Variants in LRMDA observed in about 807,000 individuals in gnomAD.
LRMDA encodes the protein leucine rich melanocyte differentiation associated, also known as leucine-rich melanocyte differentiation-associated protein.
A neutral mutation model predicts 29.8 loss-of-function variants in LRMDA; 18 were observed. That is an observed-to-expected ratio of 0.60 (90% CI 0.42 to 0.90). The LOEUF (loss-of-function observed/expected upper bound fraction) is 0.90. Among genes scored for constraint, LRMDA ranks in the 40% least tolerant of loss-of-function variants. The probability of loss-of-function intolerance (pLI) is 0.00; values close to 1 mark genes in which losing one functional copy is unlikely to be tolerated. For synonymous variants in LRMDA, 125 were observed against 109.4 expected, an observed-to-expected ratio of 1.14 and a Z score of -0.89; for missense variants, 273 against 273.9, an observed-to-expected ratio of 1.00 and a Z score of 0.02.
chr10:75,758,691 A>G (rs1843061393), intron 2 of LRMDA, among the ~76,000 whole-genome samples: 1 of 152,210 alleles, frequency 6.6e-6, no homozygotes, highest in African/African-American at 2.4e-5. Flanking sequence ...GTAGTAAATC[A>G]GTGCTAGATA....
At chr10:75,695,618 C>T (rs1842224133) in intron 2 of LRMDA, among the ~76,000 whole-genome samples, 1 of 152,108 alleles carries the variant, frequency 6.6e-6, no homozygotes, top group South Asian at 2.1e-4. Context: ...TTTAGCTATT[C>T]CCATTCAGAG....
chr10:75,934,428 C>T (rs1846253812), intron 2 of LRMDA, among the ~76,000 whole-genome samples: 1 of 152,086 alleles, frequency 6.6e-6, no homozygotes. Context: ...GCCAGTAGAC[C>T]CCTGGCTACC....
chr10:76,545,012 AAG>A (rs1340991237), intron 6 of LRMDA, among the ~76,000 whole-genome samples: 8 of 152,112 alleles, frequency 5.3e-5, no homozygotes, highest in Non-Finnish European at 2.9e-5. Context: ...TCAGTACAGG[AAG>A]AGTTTGTTTG....
intron 3 of LRMDA, among the ~76,000 whole-genome samples, chr10:76,036,489 C>T (rs1388323376): frequency 6.6e-6 from 1 of 152,194 alleles, no homozygotes; most frequent in African/African-American, 2.4e-5. Flanking sequence ...AGTCTGTTTG[C>T]TTGGGCTTGT....
At chr10:76,387,676 A>T (rs1841676637) in intron 6 of LRMDA, among the ~76,000 whole-genome samples, 1 of 152,014 alleles carries the variant, frequency 6.6e-6, no homozygotes, top group Non-Finnish European at 1.5e-5. Context: ...TTTAAACTTA[A>T]ATTTAAATTT....
chr10:76,375,472 A>G lies in LRMDA; in HGVS notation c.601+50987A>G, dbSNP rs117286180. ...GTGCTTTAAAACCATTTTACCTGCCAAAGAAAAGTTTTGCTTATGATGACA... is the reference window on the plus strand; with the variant it reads ...GTGCTTTAAAACCATTTTACCTGCCGAAGAAAAGTTTTGCTTATGATGACA... On this transcript the variant is annotated intron_variant, in intron 6 of 6. Transcript: ENST00000611255. Among the ~76,000 whole-genome samples the G allele has an allele frequency of 3.8e-3, 581 of 152,318 alleles. 1 individual carries two copies. Among genetic ancestry groups the G allele is most frequent in the Non-Finnish European group, 5.5e-3 (377 of 68,022 alleles).
At chr10:75,952,205 C>T (rs747839144) in intron 2 of LRMDA, among the ~76,000 whole-genome samples, 3 of 152,094 alleles carry the variant, frequency 2.0e-5, no homozygotes, top group East Asian at 1.9e-4. Context: ...GATTGCTCCT[C>T]GTTTTATTTT....
At chr10:76,324,600 A>G (rs1840812298) in intron 6 of LRMDA, 115 bp downstream of exon 6, 2 of 885,226 alleles carry the variant, frequency 2.3e-6, no homozygotes, top group African/African-American at 1.7e-5. Context: ...AGTGCTTTTT[A>G]AGTCCTTGAT....
At chr10:76,083,793 C>T (rs1404915284) in intron 5 of LRMDA, among the ~76,000 whole-genome samples, 1 of 145,556 alleles carries the variant, frequency 6.9e-6, no homozygotes, top group African/African-American at 2.6e-5. Context: ...GAGATCGCGC[C>T]ATTGCACTCC....
At chr10:75,848,736 ACTT>A (rs1483099876) in intron 2 of LRMDA, among the ~76,000 whole-genome samples, 1 of 151,938 alleles carries the variant, frequency 6.6e-6, no homozygotes, top group Non-Finnish European at 1.5e-5. Flanking sequence ...GACCATAGAC[ACTT>A]CTTAGGGAGG....
At chr10:76,007,474 C>T (rs1847692409) in intron 2 of LRMDA, among the ~76,000 whole-genome samples, 2 of 152,178 alleles carry the variant, frequency 1.3e-5, no homozygotes, top group Non-Finnish European at 2.9e-5. Context: ...CTGCTTCCTG[C>T]GTATTGCCCT....
intron 6 of LRMDA, among the ~76,000 whole-genome samples, chr10:76,339,308 A>C (rs1841009114): frequency 6.6e-6 from 1 of 151,644 alleles, no homozygotes; most frequent in Admixed American, 6.6e-5. Context: ...TAAGAAAAAG[A>C]ACTATAGACT....
At chr10:76,457,156 A>AG (rs1453615541) in intron 6 of LRMDA, among the ~76,000 whole-genome samples, 1 of 152,156 alleles carries the variant, frequency 6.6e-6, no homozygotes, top group Non-Finnish European at 1.5e-5. Flanking sequence ...GTCTCCCATT[A>AG]GGAGAGAGCA....
At chr10:75,465,820 C>A (rs568193204) in intron 2 of LRMDA, among the ~76,000 whole-genome samples, 1 of 152,178 alleles carries the variant, frequency 6.6e-6, no homozygotes, top group Non-Finnish European at 1.5e-5. Flanking sequence ...TATAAAATGA[C>A]CTTTCAATTG....
chr10:76,115,978 A>T (rs1056264575), intron 5 of LRMDA, among the ~76,000 whole-genome samples: 1 of 152,186 alleles, frequency 6.6e-6, no homozygotes, highest in Non-Finnish European at 1.5e-5. Flanking sequence ...TCCTCAATGC[A>T]TCAAGTACTG....
At chr10:76,023,383 G>A (rs755215649) in intron 2 of LRMDA, among the ~76,000 whole-genome samples, 8 of 152,096 alleles carry the variant, frequency 5.3e-5, no homozygotes, top group South Asian at 4.2e-4. Flanking sequence ...CCCCCAGATC[G>A]TTTTTATTAA....
At chr10:76,171,379 C>G (rs1000566089) in intron 5 of LRMDA, among the ~76,000 whole-genome samples, 2 of 152,168 alleles carry the variant, frequency 1.3e-5, no homozygotes, top group South Asian at 4.1e-4. Context: ...ACTCAGTTGA[C>G]ACACCCGCCT....
chr10:76,514,420 T>C (rs192615091), intron 6 of LRMDA, among the ~76,000 whole-genome samples: 5 of 152,198 alleles, frequency 3.3e-5, no homozygotes, highest in African/African-American at 1.2e-4. Context: ...CCAAAATTGG[T>C]TCAGATGTCA....
At chr10:75,916,192 GT>G (rs61497015) in intron 2 of LRMDA, among the ~76,000 whole-genome samples, 1,430 of 99,556 alleles carry the variant, frequency 0.014, 21 homozygotes, top group African/African-American at 0.047. Flanking sequence ...GTGTGTGTGT[GT>G]GTGGGTGGGT....
Sources: allele counts gnomAD v4.1 joint callset (sites outside exome capture counted in the v4.1 genomes callset), GRCh38; gene constraint gnomAD v4.1.1; transcripts MANE v1.5; gene names NCBI Gene and HGNC (gene_info 2026-07-23, HGNC 2026-07-21).